The following CSMD3 variants were observed in gnomAD, a reference collection of about 807,000 sequenced individuals.
CSMD3 encodes CUB and sushi domain-containing protein 3.
Under a neutral mutation model 435.2 loss-of-function variants are expected in CSMD3, and 177 were observed. The observed-to-expected ratio is 0.41, with a 90% confidence interval of 0.36 to 0.46. CSMD3 has a LOEUF of 0.46. CSMD3 is among the 20% of genes least tolerant of loss of function. The probability of loss-of-function intolerance (pLI) is 0.34; values close to 1 mark genes in which losing one functional copy is unlikely to be tolerated. For synonymous variants in CSMD3, 1,656 were observed against 1,520.5 expected (o/e 1.09, Z -2.07); for missense variants, 4,265 against 4,504.6 (o/e 0.95, Z 1.52).
At chr8:113,031,932 T>C (rs2087127816) in intron 5 of CSMD3, among the ~76,000 whole-genome samples, 1 of 151,500 alleles carries the variant, frequency 6.6e-6, no homozygotes, top group Non-Finnish European at 1.5e-5. Flanking sequence ...TCATGAGATA[T>C]GATGGTTTTA....
intron 5 of CSMD3, among the ~76,000 whole-genome samples, chr8:113,096,881 T>G (rs1045924756): frequency 1.3e-5 from 2 of 152,120 alleles, no homozygotes; most frequent in East Asian, 3.8e-4. Context: ...TTAAGTAAGC[T>G]ACACACTCAT....
At chr8:113,012,999 A>T (rs1301849550) in intron 6 of CSMD3, among the ~76,000 whole-genome samples, 2 of 152,092 alleles carry the variant, frequency 1.3e-5, no homozygotes, top group Non-Finnish European at 2.9e-5. Flanking sequence ...AGGTACAACA[A>T]GAAAGAAAAA....
chr8:112,831,060 T>A (rs2079857235), intron 11 of CSMD3, among the ~76,000 whole-genome samples: 1 of 152,136 alleles, frequency 6.6e-6, no homozygotes, highest in Non-Finnish European at 1.5e-5. Flanking sequence ...ATGCTGGGAT[T>A]ACAGGCGTGA....
chr8:112,911,080 T>C (rs186150302), intron 10 of CSMD3, among the ~76,000 whole-genome samples: 50 of 151,966 alleles, frequency 3.3e-4, no homozygotes, highest in African/African-American at 1.1e-3. Context: ...TGTTGTTCCC[T>C]CAATTCACTT....
intron 3 of CSMD3, among the ~76,000 whole-genome samples, chr8:113,191,692 C>T (rs1474754718): frequency 6.6e-6 from 1 of 151,662 alleles, no homozygotes; most frequent in Non-Finnish European, 1.5e-5. Flanking sequence ...CCATGTCTTT[C>T]CTATTGTGAA....
At chr8:113,033,277 C>T (rs924693334) in intron 5 of CSMD3, among the ~76,000 whole-genome samples, 2 of 151,632 alleles carry the variant, frequency 1.3e-5, no homozygotes, top group Non-Finnish European at 2.9e-5. Context: ...AAGCCACAGG[C>T]ATTCAATGCC....
intron 1 of CSMD3, among the ~76,000 whole-genome samples, chr8:113,355,142 C>T (rs111670148): frequency 0.018 from 2,773 of 152,148 alleles, 83 homozygotes; most frequent in African/African-American, 0.063. Flanking sequence ...ATGTATTATA[C>T]AGTTTTAAGT....
chr8:112,601,458 T>C (rs1403241369), intron 22 of CSMD3, among the ~76,000 whole-genome samples: 2 of 152,134 alleles, frequency 1.3e-5, no homozygotes, highest in East Asian at 3.9e-4. Context: ...GATACAAACA[T>C]ACAATCAAGG....
At chr8:112,828,744 T>A (rs1192467805) in intron 12 of CSMD3, among the ~76,000 whole-genome samples, 2 of 152,158 alleles carry the variant, frequency 1.3e-5, no homozygotes, top group African/African-American at 4.8e-5. Flanking sequence ...AAAACAGAAC[T>A]GTAGTAGGCC....
At chr8:112,393,417 C>A (rs1034282882) in intron 35 of CSMD3, among the ~76,000 whole-genome samples, 5 of 152,124 alleles carry the variant, frequency 3.3e-5, no homozygotes, top group African/African-American at 1.2e-4. Context: ...TTGGAATTTC[C>A]CTGTGTTAAG....
At chr8:113,083,293 T>C (rs976137093) in intron 5 of CSMD3, among the ~76,000 whole-genome samples, 1 of 152,090 alleles carries the variant, frequency 6.6e-6, no homozygotes, top group African/African-American at 2.4e-5. Flanking sequence ...ACTAATAGAT[T>C]TCTCAGCAGG....
intron 58 of CSMD3, among the ~76,000 whole-genome samples, chr8:112,284,053 A>G (rs1274967913): frequency 6.6e-6 from 1 of 151,858 alleles, no homozygotes; most frequent in African/African-American, 2.4e-5. Flanking sequence ...CTAAAACATT[A>G]AAAATTTAAC....
In CSMD3 at chr8:112,773,040, C is replaced by T. The variant is rs139623488; in HGVS notation, c.1972+27122G>A. ...CATGCTGAGTCCCAGTCCCCTGGGC[C>T]CATTTTTCTATCTCTATACTTTGTC... On this transcript the variant is annotated intron_variant, in intron 13 of 70. Coordinates refer to ENST00000297405, the MANE Select transcript of CSMD3 (RefSeq NM_198123.2). Among the ~76,000 whole-genome samples the T allele has an allele frequency of 3.3e-3, 500 of 152,056 alleles. 4 individuals carry two copies. The highest frequency in any genetic ancestry group is 0.01 in the African/African-American group (435 of 41,476).
chr8:113,072,171 G>T (rs2089150166), intron 5 of CSMD3, among the ~76,000 whole-genome samples: 1 of 151,678 alleles, frequency 6.6e-6, no homozygotes. Flanking sequence ...CAACTTTACT[G>T]AATTTGTTTT....
chr8:113,117,887 G>A (rs1369734117), intron 4 of CSMD3, among the ~76,000 whole-genome samples: 3 of 152,182 alleles, frequency 2.0e-5, no homozygotes, highest in East Asian at 1.9e-4. Context: ...TGGAGCAGGC[G>A]TATTTGCCCA....
chr8:113,232,835 G>C (rs1464484837), intron 3 of CSMD3, among the ~76,000 whole-genome samples: 1 of 151,694 alleles, frequency 6.6e-6, no homozygotes, highest in East Asian at 1.9e-4. Flanking sequence ...AAACAGTCTG[G>C]TTAACTCTAC....
rs1430225964 is a variant in CSMD3 at position 112,306,082 on chromosome 8, A to C, written c.7996T>G (p.Ser2666Ala). 3.1e-6 allele frequency: 5 copies of C among 1,613,690 alleles called. No homozygotes were observed. In the African/African-American group the frequency reaches 6.7e-5, roughly 22 times the overall value. ...CATACAGCTGTAGTGAGTTCTTTGG[A>C]TGACAATCGATATCCATCATTACAA... ...YFCNDGYRLS[S>A]KELTTAVCQS... The change falls in exon 51 of 71, where the codon TCC becomes GCC. Residue 2666 changes from serine to alanine, a missense_variant. This residue lies in a region of CSMD3 where 3,255 missense variants were observed against 3,380.2 expected (regional missense o/e 0.96). Coordinates refer to ENST00000297405, the MANE Select transcript of CSMD3 (RefSeq NM_198123.2).
chr8:112,755,497 C>A (rs939942927), intron 13 of CSMD3, among the ~76,000 whole-genome samples: 1 of 151,516 alleles, frequency 6.6e-6, no homozygotes, highest in Non-Finnish European at 1.5e-5. Context: ...TGAAGAAGGA[C>A]AAGTTTGCTT....
chr8:113,009,324 TCA>T (rs2086171805), intron 6 of CSMD3, among the ~76,000 whole-genome samples: 1 of 151,840 alleles, frequency 6.6e-6, no homozygotes, highest in Admixed American at 6.6e-5. Context: ...TAGAAAGAAC[TCA>T]CAGTCCTGAG....
Sources: gnomAD v4.1 joint callset for allele counts (sites outside exome capture counted in the v4.1 genomes callset) on GRCh38, gnomAD v4.1.1 for gene constraint, gnomAD v4.1.1 regional missense constraint, MANE v1.5 for transcripts, NCBI Gene and HGNC (gene_info 2026-07-23, HGNC 2026-07-21) for gene names.